Variants in OCA2 observed in about 807,000 individuals in gnomAD.
OCA2 encodes OCA2 melanosomal transmembrane protein.
OCA2 carries 77 observed loss-of-function variants against 100.2 expected under a neutral mutation model. The observed-to-expected ratio is 0.77, with a 90% CI of 0.64 to 0.93. The LOEUF (loss-of-function observed/expected upper bound fraction) is 0.93. OCA2 is among the 40% of genes least tolerant of loss of function. The pLI is 0.00. For missense variants in OCA2, 1,062 were observed against 1,089.1 expected (o/e 0.98, Z 0.35); for synonymous variants, 432 against 439.2 (o/e 0.98, Z 0.21).
chr15:27,769,927 G>A (rs75867735), intron 23 of OCA2, among the ~76,000 whole-genome samples: 8,487 of 149,236 alleles, frequency 0.057, 353 homozygotes, highest in Middle Eastern at 0.11. Flanking sequence ...GCCCCTCTGG[G>A]CCTCAGGACC....
chr15:27,758,397 A>G (rs2030557638), intron 23 of OCA2, among the ~76,000 whole-genome samples: 1 of 152,224 alleles, frequency 6.6e-6, no homozygotes. Flanking sequence ...GAACTTCCAC[A>G]CTCACCAGGC....
intron 2 of OCA2, among the ~76,000 whole-genome samples, chr15:28,058,345 G>A (rs1347723230): frequency 6.6e-6 from 1 of 152,226 alleles, no homozygotes; most frequent in Non-Finnish European, 1.5e-5. Flanking sequence ...AATGTCCTCT[G>A]GGAATTGGCC....
intron 1 of OCA2, among the ~76,000 whole-genome samples, chr15:28,082,209 C>T (rs533488372): frequency 6.6e-6 from 1 of 152,140 alleles, no homozygotes; most frequent in African/African-American, 2.4e-5. Flanking sequence ...GCACTCTGTA[C>T]AGTGGACCAA....
At position 27,974,753 on chromosome 15, in the gene OCA2, G is replaced by A. The variant is rs537577036; in HGVS notation, c.1504-7931C>T. The stretch of plus-strand genomic sequence containing the variant: ...ACTGCACTCCAGCCTGGGCAATAGG[G>A]TGAGACTCCATTACAGTTTAATTCC... On this transcript the variant is annotated intron_variant, in intron 14 of 23. Coordinates refer to ENST00000354638, the MANE Select transcript of OCA2 (RefSeq NM_000275.3). Among the ~76,000 whole-genome samples the A allele has an allele frequency of 1.4e-3, 207 of 152,298 alleles. 2 individuals are homozygous for A. Among genetic ancestry groups the A allele is most frequent in the Middle Eastern group, 6.8e-3 (2 of 294 alleles).
At chr15:27,741,559 CA>C in the OCA2 span, among the ~76,000 whole-genome samples, 1 of 152,150 alleles carries the variant, frequency 6.6e-6, no homozygotes, top group Admixed American at 6.5e-5. Flanking sequence ...TTGGGCAAGT[CA>C]AGTTACTGAA....
At chr15:27,719,341 C>T in the OCA2 span, among the ~76,000 whole-genome samples, 3 of 152,124 alleles carry the variant, frequency 2.0e-5, no homozygotes, top group East Asian at 3.9e-4. Flanking sequence ...AAAAGGACAC[C>T]AGTCGTATTT....
Position 28,059,192 on chromosome 15 carries a change from G to A in OCA2, c.227+22456C>T, listed in dbSNP as rs575605593. On this transcript the variant is annotated intron_variant, in intron 2 of 23. Coordinates refer to ENST00000354638, the MANE Select transcript of OCA2 (RefSeq NM_000275.3). ...TGCCCACAAGAGAGCAGAAGACTGA[G>A]AAGGTGAAGGCTGGCCTGCAGGAGC... Among the ~76,000 whole-genome samples the A allele has an allele frequency of 2.6e-5, 4 of 152,334 alleles. No individual in the cohort carries two copies. The South Asian group carries it at 8.3e-4, about 32-fold the overall frequency.
intron 2 of OCA2, among the ~76,000 whole-genome samples, chr15:28,040,031 CAA>C (rs57662493): frequency 7.5e-4 from 80 of 107,004 alleles, no homozygotes; most frequent in Admixed American, 1.5e-3. Context: ...GACTCCATCT[CAA>C]AAAAAAAAAA....
downstream of OCA2, among the ~76,000 whole-genome samples, chr15:27,753,582 A>G (rs553712071): frequency 9.2e-5 from 14 of 151,874 alleles, no homozygotes; most frequent in East Asian, 2.7e-3. Flanking sequence ...AAATACAAAA[A>G]CAAAATTAGC....
At chr15:27,804,785 C>T (rs1380466929) in intron 23 of OCA2, among the ~76,000 whole-genome samples, 1 of 152,212 alleles carries the variant, frequency 6.6e-6, no homozygotes, top group African/African-American at 2.4e-5. Context: ...CTACCCAGCG[C>T]CTTGGGAACC....
At chr15:27,990,015 C>A in intron 10 of OCA2, among the ~76,000 whole-genome samples, 1 of 152,270 alleles carries the variant, frequency 6.6e-6, no homozygotes, top group Middle Eastern at 3.4e-3. Context: ...GGCATGGCAG[C>A]TGTCCCACTC....
chr15:28,058,240 C>T (rs1302098365), intron 2 of OCA2, among the ~76,000 whole-genome samples: 1 of 152,246 alleles, frequency 6.6e-6, no homozygotes, highest in East Asian at 1.9e-4. Flanking sequence ...TAAGGGGTGG[C>T]TCTGGGTGCT....
chr15:27,907,942 A>G (rs1292407957), intron 19 of OCA2, among the ~76,000 whole-genome samples: 1 of 152,208 alleles, frequency 6.6e-6, no homozygotes, highest in Admixed American at 6.5e-5. Flanking sequence ...CAAAAACCAG[A>G]TAGTCACAAT....
At chr15:28,094,702 G>A (rs954853952) in intron 1 of OCA2, among the ~76,000 whole-genome samples, 1 of 152,194 alleles carries the variant, frequency 6.6e-6, no homozygotes, top group African/African-American at 2.4e-5. Flanking sequence ...CCCCGAACTC[G>A]GGCCCTGCGA....
At chr15:27,931,839 T>C (rs1183673445) in intron 18 of OCA2, among the ~76,000 whole-genome samples, 4 of 152,210 alleles carry the variant, frequency 2.6e-5, no homozygotes, top group Admixed American at 6.5e-5. Context: ...CTTTCCAAAG[T>C]ATACCCACTT....
chr15:27,980,201 C>T (rs1328350632), intron 14 of OCA2, among the ~76,000 whole-genome samples: 1 of 151,980 alleles, frequency 6.6e-6, no homozygotes, highest in African/African-American at 2.4e-5. Flanking sequence ...GATCTCGGCT[C>T]GCTGCAAGCT....
intron 23 of OCA2, among the ~76,000 whole-genome samples, chr15:27,822,375 T>C (rs769524582): frequency 2.6e-5 from 4 of 152,214 alleles, no homozygotes; most frequent in Non-Finnish European, 5.9e-5. Flanking sequence ...TATCTAATTT[T>C]TACTGCTGCT....
At chr15:27,752,411 G>C (rs143448857), downstream of OCA2, among the ~76,000 whole-genome samples, 1 of 152,200 alleles carries the variant, frequency 6.6e-6, no homozygotes, top group Non-Finnish European at 1.5e-5. Context: ...TGTAGACAGC[G>C]TCAGGAGGGA....
chr15:27,863,228 C>T (rs1340233483), intron 21 of OCA2, among the ~76,000 whole-genome samples: 1 of 152,286 alleles, frequency 6.6e-6, no homozygotes, highest in African/African-American at 2.4e-5. Flanking sequence ...ATGCTGCAGT[C>T]GGCTCCTGGC....
Sources: gnomAD v4.1 joint callset for allele counts (sites outside exome capture counted in the v4.1 genomes callset) on GRCh38, gnomAD v4.1.1 for gene constraint, MANE v1.5 for transcripts, NCBI Gene and HGNC (gene_info 2026-07-23, HGNC 2026-07-21) for gene names.